The following NXN variants were observed in gnomAD, a reference collection of about 807,000 sequenced individuals.
NXN encodes nucleoredoxin 1.
A neutral mutation model predicts 48.6 loss-of-function variants in NXN; 16 were observed. That is an observed-to-expected ratio of 0.33 (90% CI 0.22 to 0.50). The LOEUF (loss-of-function observed/expected upper bound fraction) is 0.50. Among genes scored for constraint, NXN ranks in the 20% least tolerant of loss-of-function variants. The pLI is 0.98. For synonymous variants in NXN, 281 were observed against 269.6 expected (o/e 1.04, Z -0.41); for missense variants, 492 against 605.5 (o/e 0.81, Z 1.97).
chr17:958,779 A>T lies in NXN; in HGVS notation c.360+20540T>A, dbSNP rs1207957835. On this transcript the variant is annotated intron_variant, in intron 1 of 7. Coordinates refer to ENST00000336868, the MANE Select transcript of NXN (RefSeq NM_022463.5). This position sits in a 1 kb window ranked among gnomAD's most constrained non-coding sequence, Gnocchi z 6.9. ...TCCCTCTCAAAAAATAAAATAAAAT[A>T]AAAATTAGCTGGGGAGGTGGTGAGC... Among the ~76,000 whole-genome samples the T allele has an allele frequency of 6.6e-6, 1 of 151,842 alleles. No homozygotes were observed. Among genetic ancestry groups the T allele is most frequent in the Non-Finnish European group, 1.5e-5 (1 of 67,990 alleles).
chr17:850,473 G>T lies in NXN; in HGVS notation c.361-24395C>A, dbSNP rs377205013. ...AGTCAGTCCACTGCTCCGACCTGTG[G>T]GTCCAAGGAAGGTGGCCGTGAGCAA... On this transcript the variant is annotated intron_variant, in intron 1 of 7. Coordinates refer to ENST00000336868, the MANE Select transcript of NXN (RefSeq NM_022463.5). Among the ~76,000 whole-genome samples, 10 of 152,188 alleles carry T rather than the reference G, an allele frequency of 6.6e-5. No homozygotes were observed. The East Asian group carries it at 9.6e-4, about 15-fold the overall frequency.
chr17:845,757 C>G (rs940301218), intron 1 of NXN, among the ~76,000 whole-genome samples: 1 of 152,208 alleles, frequency 6.6e-6, no homozygotes, highest in Admixed American at 6.5e-5. Context: ...TGTCATGGTT[C>G]CTCAGCAGAA....
chr17:913,010 T>C (rs7220717), intron 1 of NXN, among the ~76,000 whole-genome samples: 14,772 of 152,002 alleles, frequency 0.097, 919 homozygotes, highest in Middle Eastern at 0.25. Context: ...AAATAGCACT[T>C]TTCTCTGTCA....
At chr17:878,098 G>C (rs557355332) in intron 1 of NXN, 3 of 152,148 alleles carry the variant, frequency 2.0e-5, no homozygotes, top group East Asian at 1.9e-4. Flanking sequence ...AGGCAATGAC[G>C]CCGTAACAGA....
intron 1 of NXN, chr17:897,091 C>T (rs563758401): frequency 1.7e-5 from 18 of 1,032,554 alleles, no homozygotes; most frequent in Admixed American, 6.0e-5. Context: ...TGGTAACCCA[C>T]GGCCACCGCG....
chr17:971,757 C>T (rs539709913), intron 1 of NXN, among the ~76,000 whole-genome samples: 30 of 152,074 alleles, frequency 2.0e-4, no homozygotes, highest in Non-Finnish European at 3.7e-4. Flanking sequence ...AAATTCATAG[C>T]GATTTTCCTT....
intron 1 of NXN, among the ~76,000 whole-genome samples, chr17:890,083 T>A (rs965316316): frequency 2.0e-5 from 3 of 151,892 alleles, no homozygotes; most frequent in Non-Finnish European, 4.4e-5. Context: ...GTGTAAAGGA[T>A]CTTAATTAAA....
intron 1 of NXN, among the ~76,000 whole-genome samples, chr17:916,835 T>G (rs577026616): frequency 2.5e-4 from 38 of 151,794 alleles, no homozygotes; most frequent in African/African-American, 8.7e-4. Context: ...GAGGTGGAGG[T>G]TGCAGTGAGC....
rs767727821 is a variant in NXN, at chr17:906,729, GACA to G, written c.360+72587_360+72589del. ...CTACAGGCACCCACCACCACACCCG[GACA>G]ACTTTTTTTTTTTTTTAGTGGAAAT... is the stretch of plus-strand genomic sequence containing the variant. On this transcript the variant is annotated intron_variant, in intron 1 of 7. Transcript: ENST00000336868. Among the ~76,000 whole-genome samples, 27 of 148,444 alleles carry G rather than the reference GACA, an allele frequency of 1.8e-4. No homozygotes were observed. In the East Asian group the frequency reaches 5.3e-3, roughly 29 times the overall value.
chr17:921,307 C>T (rs2068748114), intron 1 of NXN, among the ~76,000 whole-genome samples: 1 of 152,138 alleles, frequency 6.6e-6, no homozygotes, highest in South Asian at 2.1e-4. Flanking sequence ...TGACTCACCA[C>T]AGCCTCCTCC....
In NXN at chr17:979,604, C is replaced by T. The variant is rs770441223; in HGVS notation, c.75G>A (p.Ser25=). 1.4e-6 allele frequency: 2 copies of T among 1,456,542 alleles called. No homozygotes were observed. Among genetic ancestry groups the T allele is most frequent in the Non-Finnish European group, 1.8e-6 (2 of 1,104,264 alleles). The allele number at this position is 1,456,542 out of a possible 1,614,324, so 90.2% of individuals were successfully genotyped here. ...TGGGEEVDVH[S]LGARGISLLG... The stretch of plus-strand genomic sequence containing the variant: ...GCAGCGAGATGCCGCGGGCGCCCAG[C>T]GAGTGCACGTCCACCTCCTCGCCGC... Residue 25 remains serine, a synonymous_variant, in exon 1 of 8, where the codon TCG becomes TCA. Transcript: ENST00000336868.
At chr17:895,593 A>G (rs2068471259) in intron 1 of NXN, among the ~76,000 whole-genome samples, 2 of 150,584 alleles carry the variant, frequency 1.3e-5, no homozygotes, top group South Asian at 4.3e-4. Flanking sequence ...TGGGCGGATC[A>G]CAGGGTCAGG....
At chr17:841,516 CAGGTCCCCCCGACCATGGA>C (rs1914251849) in intron 1 of NXN, among the ~76,000 whole-genome samples, 6 of 132,142 alleles carry the variant, frequency 4.5e-5, no homozygotes, top group South Asian at 2.5e-4. Flanking sequence ...CACGGGCGAG[CAGGTCCCCCCGACCATGGA>C]GCATCTCACG....
intron 7 of NXN, among the ~76,000 whole-genome samples, chr17:803,051 G>A (rs1911290480): frequency 6.6e-6 from 1 of 152,186 alleles, no homozygotes; most frequent in Non-Finnish European, 1.5e-5. Flanking sequence ...ACGCCCGTCT[G>A]CAGGGTGCAG....
Position 979,635 on chromosome 17 carries a change from G to T in NXN, c.44C>A (p.Thr15Lys). The part of the protein sequence containing the change: ...LEELLGEKLV[T>K]GGGEEVDVHS... Reference sequence around the variant, plus strand: ...CACGTCCACCTCCTCGCCGCCGCCCGTCACCAGCTTCTCGCCGAGCAGCTC... The same window carrying T: ...CACGTCCACCTCCTCGCCGCCGCCCTTCACCAGCTTCTCGCCGAGCAGCTC... The change falls in exon 1 of 8, where the codon ACG becomes AAG. Residue 15 changes from threonine to lysine, a missense_variant. By Grantham distance (78) the Thr-to-Lys change is moderately conservative. This residue lies in a region of NXN where 186 missense variants were observed against 199.1 expected (regional missense o/e 0.93). Coordinates refer to ENST00000336868, the MANE Select transcript of NXN (RefSeq NM_022463.5). 1 of 1,468,914 alleles carries T rather than the reference G, an allele frequency of 6.8e-7. No individual in the cohort carries two copies. The highest frequency in any genetic ancestry group is 9.0e-7 in the Non-Finnish European group (1 of 1,109,862). 91.0% of individuals were successfully genotyped at this position (1,468,914 alleles called of 1,614,324 possible).
At chr17:838,250 G>A (rs1243923753) in intron 1 of NXN, among the ~76,000 whole-genome samples, 2 of 145,158 alleles carry the variant, frequency 1.4e-5, no homozygotes, top group Non-Finnish European at 3.0e-5. Flanking sequence ...TTCTGCCTCC[G>A]CCTCCCGAGT....
chr17:894,767 C>T (rs1178548717), intron 1 of NXN, among the ~76,000 whole-genome samples: 1 of 152,214 alleles, frequency 6.6e-6, no homozygotes, highest in Non-Finnish European at 1.5e-5. Flanking sequence ...CGGAGGCGCC[C>T]CAAGAAGACG....
chr17:897,603 G>A (rs2068500141), intron 1 of NXN, among the ~76,000 whole-genome samples: 1 of 152,150 alleles, frequency 6.6e-6, no homozygotes, highest in Non-Finnish European at 1.5e-5. Context: ...CCCCGTCCTA[G>A]GGCAATCCGC....
intron 1 of NXN, among the ~76,000 whole-genome samples, chr17:896,568 C>A (rs2068488593): frequency 6.6e-6 from 1 of 152,188 alleles, no homozygotes; most frequent in South Asian, 2.1e-4. Flanking sequence ...TGTTGCCTCG[C>A]ACACCGTATA....
Sources: gnomAD v4.1 joint callset for allele counts (sites outside exome capture counted in the v4.1 genomes callset) on GRCh38, gnomAD v4.1.1 for gene constraint, gnomAD v4.1.1 regional missense constraint, Gnocchi (gnomAD v3.1) non-coding constraint, MANE v1.5 for transcripts, NCBI Gene and HGNC (gene_info 2026-07-23, HGNC 2026-07-21) for gene names.